The following ARHGAP4 variants were observed in gnomAD, a reference collection of about 807,000 sequenced individuals.
ARHGAP4 encodes rho GTPase-activating protein 4.
In ARHGAP4, 25 loss-of-function variants were observed where a neutral mutation model predicts 67.6. The observed-to-expected ratio is 0.37, with a 90% CI of 0.27 to 0.52. ARHGAP4 has a LOEUF of 0.52. ARHGAP4 is among the 20% of genes least tolerant of loss of function. ARHGAP4 has a pLI of 0.92. For synonymous variants in ARHGAP4, 448 were observed against 373.7 expected (o/e 1.20, Z -2.29); for missense variants, 804 against 854.6 (o/e 0.94, Z 0.74).
chrX:153,925,865 T>G (rs940505606), intron 1 of ARHGAP4, among the ~76,000 whole-genome samples: 3 of 112,895 alleles, frequency 2.7e-5, no homozygotes, highest in African/African-American at 9.7e-5. Flanking sequence ...CACCAGTGTC[T>G]CCACTGAACC....
At chrX:153,913,334 A>G in intron 9 of ARHGAP4, 32 bp from the exon 10 acceptor site, 1 of 1,200,015 alleles carries the variant, frequency 8.3e-7, no homozygotes. Flanking sequence ...CCCAAGTGTT[A>G]GCCCTGGCTT....
intron 3 of ARHGAP4, 63 bp from the exon 4 acceptor site, chrX:153,921,222 C>G (rs1258417379): frequency 8.5e-7 from 1 of 1,179,043 alleles, no homozygotes; most frequent in African/African-American, 1.8e-5. Flanking sequence ...GCACTGGAAG[C>G]TCTGCCCAGA....
intron 14 of ARHGAP4, 25 bp from the exon 15 acceptor site, chrX:153,910,859 AG>A (rs1219299580): frequency 2.5e-6 from 3 of 1,184,068 alleles, no homozygotes; most frequent in South Asian, 1.9e-5. Context: ...GTGGTGCGGT[AG>A]GGGGAGGAAG....
In ARHGAP4 at chrX:153,913,414, G is replaced by T. The variant is rs1427977965; in HGVS notation, c.1321C>A (p.Leu441Ile). 21 of 1,209,980 alleles carry T rather than the reference G, an allele frequency of 1.7e-5. No homozygotes were observed. The highest frequency in any genetic ancestry group is 2.0e-5 in the Non-Finnish European group (18 of 894,268). Residue 441 changes from leucine to isoleucine, a missense_variant, in exon 9 of 22, where the codon CTC becomes ATC. By Grantham distance (5) the Leu-to-Ile change is conservative. Transcript: ENST00000350060. ...GQQQETETFYLTKLQEYLSGR... is the reference protein window; with the variant it reads ...GQQQETETFYITKLQEYLSGR... ...ACCAGCCCAGCCCTCCCCACCGTGA[G>T]GTAGAAGGTTTCGGTCTCCTGCTGC...
chrX:153,922,709 C>A (rs2060249660), intron 1 of ARHGAP4, among the ~76,000 whole-genome samples: 1 of 112,413 alleles, frequency 8.9e-6, no homozygotes, highest in Non-Finnish European at 1.9e-5. Flanking sequence ...GGCTGCCCAC[C>A]TACTCATCTC....
Position 153,913,457 on chromosome X carries a change from C to T in ARHGAP4, c.1278G>A (p.Ala426=). 8.3e-7 allele frequency: 1 copy of T among 1,211,687 alleles called. No homozygotes were observed. Among genetic ancestry groups the T allele is most frequent in the Non-Finnish European group, 1.1e-6 (1 of 895,403 alleles). ...CCTGCTGCTGGCCGCGCCTCCGGCC[C>T]GCCTGCCGGCTGCCTGGGTCTGAGC... ...STSSDPGSRQ[A]GRRRGQQQET... is the part of the protein sequence containing the mutation. Residue 426 remains alanine (A), a synonymous_variant, in exon 9 of 22, where the codon GCG becomes GCA. Coordinates refer to ENST00000350060, the MANE Select transcript of ARHGAP4 (RefSeq NM_001666.5).
At position 153,913,523 on chromosome X, in the gene ARHGAP4, G is replaced by C; in HGVS notation, c.1212C>G (p.Ser404=). ...VASDDGDVLD[S]FQTSPSTESL... is the part of the protein sequence containing the mutation. ...ACTCGGTGGAGGGGCTGGTCTGGAA[G>C]GAATCAAGCACATCCCCGTCATCCG... The change falls in exon 9 of 22, where the codon TCC becomes TCG. Residue 404 remains serine (S), a synonymous_variant. Coordinates refer to ENST00000350060, the MANE Select transcript of ARHGAP4 (RefSeq NM_001666.5). The C allele has an allele frequency of 8.3e-7, 1 of 1,212,060 alleles. No individual in the cohort carries two copies. Among genetic ancestry groups the C allele is most frequent in the Non-Finnish European group, 1.1e-6 (1 of 895,533 alleles).
chrX:153,919,134 A>T (rs1557104708), intron 6 of ARHGAP4, 21 bp downstream of exon 6: 1 of 1,210,106 alleles, frequency 8.3e-7, no homozygotes, highest in Admixed American at 2.2e-5. Context: ...ACCTTTTCCC[A>T]CCTGCCCACC....
intron 5 of ARHGAP4, chrX:153,919,585 G>A (rs782674485): frequency 1.5e-5 from 18 of 1,162,174 alleles, no homozygotes; most frequent in East Asian, 6.5e-5. Context: ...TGGAAGGTGC[G>A]CACATGGCAC....
intron 1 of ARHGAP4, among the ~76,000 whole-genome samples, 183 bp downstream of exon 1, chrX:153,925,953 G>A (rs11797283): frequency 5.3e-5 from 6 of 112,799 alleles, no homozygotes; most frequent in African/African-American, 1.9e-4. Context: ...GAAAATGGCA[G>A]GCGGTTGAGG....
At chrX:153,925,382 G>A (rs1256963191) in intron 1 of ARHGAP4, among the ~76,000 whole-genome samples, 1 of 112,187 alleles carries the variant, frequency 8.9e-6, no homozygotes, top group Non-Finnish European at 1.9e-5. Flanking sequence ...TTCCGTAATT[G>A]GTAAAATGGA....
At chrX:153,922,262 G>T in intron 1 of ARHGAP4, 1 of 795,979 alleles carries the variant, frequency 1.3e-6, no homozygotes, top group Non-Finnish European at 1.5e-6. Context: ...ACAACACACA[G>T]ATCACAGTGC....
Position 153,920,687 on chromosome X carries a change from G to A in ARHGAP4, c.620C>T (p.Ala207Val). ...CTTGCGGAGGGGCCCTGCCTCAGTG[G>A]CACCAGCGGTGGTGGTGGGGACACT... ...GRSVPTTTAG[A>V]TEAGPLRKSS... The change falls in exon 5 of 22, where the codon GCC (alanine) becomes GTC (valine). Residue 207 changes from alanine (A) to valine (V), a missense_variant. Around this residue, in one of 2 missense-constraint regions of ARHGAP4, gnomAD observed 404 missense variants for 505.9 expected, o/e 0.80. Coordinates refer to ENST00000350060, the MANE Select transcript of ARHGAP4 (RefSeq NM_001666.5). The A allele has an allele frequency of 8.3e-7, 1 of 1,211,593 alleles. No individual in the cohort carries two copies. Among genetic ancestry groups the A allele is most frequent in the Non-Finnish European group, 1.1e-6 (1 of 895,424 alleles).
chrX:153,917,911 C>G (rs1368714901), intron 7 of ARHGAP4, among the ~76,000 whole-genome samples: 2 of 112,199 alleles, frequency 1.8e-5, no homozygotes, highest in Non-Finnish European at 3.8e-5. Flanking sequence ...GTGAAGCACT[C>G]CAGACTGGAA....
At chrX:153,922,603 G>A in intron 1 of ARHGAP4, 1 of 188,090 alleles carries the variant, frequency 5.3e-6, no homozygotes, top group East Asian at 2.5e-4. Context: ...AGAAGTGCCT[G>A]TCCAGCAAGT....
intron 12 of ARHGAP4, among the ~76,000 whole-genome samples, chrX:153,912,172 C>T (rs1251953457): frequency 2.8e-5 from 3 of 107,596 alleles, no homozygotes; most frequent in East Asian, 5.8e-4. Flanking sequence ...CAGGCACGTG[C>T]CACCATGCCT....
chrX:153,910,400 C>T lies in ARHGAP4; in HGVS notation c.1927G>A (p.Ala643Thr). ...RYLFTFLNHL[A>T]QYSDENMMDP... ...ATCATGTTCTCATCGCTGTACTGGG[C>T]CAGGCTGGGGGGACACGCACATCAC... Residue 643 changes from alanine (A) to threonine (T), a missense_variant, in exon 17 of 22, where the codon GCC (alanine) becomes ACC (threonine). By Grantham distance (58) the Ala-to-Thr change is moderately conservative (BLOSUM62 0). Around this residue, in one of 2 missense-constraint regions of ARHGAP4, gnomAD observed 400 missense variants for 348.7 expected, o/e 1.15. Transcript: ENST00000350060. The T allele has an allele frequency of 8.4e-7, 1 of 1,195,517 alleles. No individual in the cohort carries two copies. Among genetic ancestry groups the T allele is most frequent in the Non-Finnish European group, 1.1e-6 (1 of 885,486 alleles).
At chrX:153,925,959 T>A (rs782265729) in intron 1 of ARHGAP4, among the ~76,000 whole-genome samples, 177 bp downstream of exon 1, 1 of 112,715 alleles carries the variant, frequency 8.9e-6, no homozygotes, top group Admixed American at 9.3e-5. Flanking sequence ...GGCAGGCGGT[T>A]GAGGCCAAAT....
At chrX:153,919,807 G>C in intron 5 of ARHGAP4, 1 of 715,425 alleles carries the variant, frequency 1.4e-6, no homozygotes, top group Non-Finnish European at 1.9e-6. Flanking sequence ...TTTTTTTTGA[G>C]ACAGAGTCTC....
Sources: gnomAD v4.1 joint callset for allele counts (sites outside exome capture counted in the v4.1 genomes callset) on GRCh38, gnomAD v4.1.1 for gene constraint, gnomAD v4.1.1 regional missense constraint, MANE v1.5 for transcripts, NCBI Gene and HGNC (gene_info 2026-07-23, HGNC 2026-07-21) for gene names.